PHLPP1: variants seen among roughly 807,000 people sequenced by gnomAD.
PHLPP1 encodes the protein PH domain and leucine rich repeat protein phosphatase 1, also known as PH domain leucine-rich repeat-containing protein phosphatase 1.
A neutral mutation model predicts 117.2 loss-of-function variants in PHLPP1; 42 were observed. That is an observed-to-expected ratio of 0.36 (90% CI 0.28 to 0.46). The LOEUF is 0.46. Among genes scored for constraint, PHLPP1 ranks in the 20% least tolerant of loss-of-function variants. The pLI is 1.00. For missense variants in PHLPP1, 2,084 were observed against 2,241.9 expected, an observed-to-expected ratio of 0.93 and a Z score of 1.42; for synonymous variants, 1,042 against 970.7, an observed-to-expected ratio of 1.07 and a Z score of -1.37.
At chr18:62,864,210 T>G (rs1793904426) in intron 4 of PHLPP1, among the ~76,000 whole-genome samples, 1 of 151,834 alleles carries the variant, frequency 6.6e-6, no homozygotes, top group Non-Finnish European at 1.5e-5. Context: ...TTAGTAGAGG[T>G]GGGGTTTCAC....
At chr18:62,878,774 C>T (rs1355518277) in intron 4 of PHLPP1, among the ~76,000 whole-genome samples, 2 of 151,546 alleles carry the variant, frequency 1.3e-5, no homozygotes, top group African/African-American at 4.9e-5. Flanking sequence ...TTATACTCCT[C>T]ATATTGTGTG....
intron 12 of PHLPP1, among the ~76,000 whole-genome samples, chr18:62,948,340 G>T (rs894073419): frequency 6.6e-6 from 1 of 151,890 alleles, no homozygotes; most frequent in Non-Finnish European, 1.5e-5. Flanking sequence ...AAAAAGAAAT[G>T]TAAATGTTTT....
chr18:62,846,846 A>G (rs1228076312), intron 3 of PHLPP1, among the ~76,000 whole-genome samples: 2 of 152,194 alleles, frequency 1.3e-5, no homozygotes, highest in African/African-American at 2.4e-5. Context: ...TAATAGAATG[A>G]TCTCTTTACA....
intron 1 of PHLPP1, among the ~76,000 whole-genome samples, chr18:62,783,787 G>A (rs1180364090): frequency 6.6e-6 from 1 of 152,062 alleles, no homozygotes; most frequent in Non-Finnish European, 1.5e-5. Context: ...TTCTTATGGG[G>A]TGAAATGATT....
At chr18:62,805,469 C>G (rs926894003) in intron 1 of PHLPP1, among the ~76,000 whole-genome samples, 2 of 152,034 alleles carry the variant, frequency 1.3e-5, no homozygotes. Context: ...GAGATCTTCC[C>G]ACCTCAGCTT....
chr18:62,914,306 A>G (rs1052543060), intron 8 of PHLPP1, among the ~76,000 whole-genome samples: 1 of 152,240 alleles, frequency 6.6e-6, no homozygotes, highest in South Asian at 2.1e-4. Context: ...TATGTTCAAT[A>G]TAACACATAT....
intron 6 of PHLPP1, 74 bp downstream of exon 6, chr18:62,896,085 C>T (rs182599353): frequency 1.0e-3 from 849 of 841,608 alleles, no homozygotes; most frequent in Admixed American, 2.2e-3. Flanking sequence ...AGGTTATTAA[C>T]CAAGGCAAAC....
rs75981181 is a variant in PHLPP1, at chr18:62,943,529, G to T, written c.3162-1580G>T. Among the ~76,000 whole-genome samples the T allele has an allele frequency of 6.6e-5, 10 of 152,280 alleles. No individual in the cohort carries two copies. The East Asian group carries it at 1.9e-3, about 29-fold the overall frequency. ...TTAGTTTCAAGGCACACAAGGGCTG[G>T]CATCTGCTTCTGGTGAGTCTTCAGG... is the stretch of plus-strand genomic sequence containing the variant. On this transcript the variant is annotated intron_variant, in intron 11 of 16. Transcript: ENST00000262719.
chr18:62,868,579 G>A (rs1253781086), intron 4 of PHLPP1, among the ~76,000 whole-genome samples: 2 of 145,204 alleles, frequency 1.4e-5, no homozygotes, highest in Non-Finnish European at 3.0e-5. Context: ...CTGAAATGGC[G>A]CCACTGCACT....
chr18:62,728,140 C>G (rs567385118), intron 1 of PHLPP1, among the ~76,000 whole-genome samples: 1 of 151,764 alleles, frequency 6.6e-6, no homozygotes, highest in Non-Finnish European at 1.5e-5. Flanking sequence ...ACTAAAAATA[C>G]AAAAATTAGC....
rs550192192 is a variant in PHLPP1, at chr18:62,960,334, G to T, written c.3455+1575G>T. 2.6e-5 allele frequency among the ~76,000 whole-genome samples: 4 copies of T among 151,964 alleles called. No homozygotes were observed. In the East Asian group the frequency reaches 7.7e-4, roughly 29 times the overall value. On this transcript the variant is annotated intron_variant, in intron 13 of 16. Transcript: ENST00000262719. ...CTTTTTAGGCCAAGAAATGAAGGGA[G>T]TAAGTCACAAGAAAAGAAATCAGTA...
intron 3 of PHLPP1, chr18:62,843,119 T>C (rs1328899068): frequency 6.6e-6 from 1 of 152,238 alleles, no homozygotes; most frequent in African/African-American, 2.4e-5. Flanking sequence ...TCACTGTTAC[T>C]ATGGAAATGT....
intron 1 of PHLPP1, among the ~76,000 whole-genome samples, chr18:62,766,076 A>AAAAAATAT: frequency 2.3e-4 from 5 of 21,660 alleles, no homozygotes; most frequent in Admixed American, 1.6e-3. Context: ...AAAAAAAAAA[A>AAAAAATAT]ATATATATAT....
intron 1 of PHLPP1, among the ~76,000 whole-genome samples, chr18:62,755,700 T>C (rs1911994331): frequency 6.6e-6 from 1 of 152,140 alleles, no homozygotes; most frequent in African/African-American, 2.4e-5. Context: ...GAAATACATT[T>C]CTGTTGTTTA....
intron 12 of PHLPP1, among the ~76,000 whole-genome samples, chr18:62,956,957 G>A (rs1292767838): frequency 1.3e-5 from 2 of 151,944 alleles, no homozygotes; most frequent in African/African-American, 2.4e-5. Context: ...CCAAATAAAA[G>A]GAAGATTTTG....
intron 1 of PHLPP1, among the ~76,000 whole-genome samples, chr18:62,730,860 CT>C (rs1392995134): frequency 6.6e-6 from 1 of 150,704 alleles, no homozygotes; most frequent in Non-Finnish European, 1.5e-5. Flanking sequence ...TGTGGAAGTG[CT>C]TTGTAAACTG....
rs1915497305 is a variant in PHLPP1 at position 62,856,314 on chromosome 18, T to C, written c.1900-4121T>C. Among the ~76,000 whole-genome samples the C allele has an allele frequency of 2.0e-5, 3 of 152,152 alleles. No homozygotes were observed. The South Asian group carries it at 6.2e-4, about 32-fold the overall frequency. ...CCAGAGTCCTTACAAGGCCTGAGGG[T>C]CCCACAGGATCTGCTGCTTACCCCA... is the stretch of plus-strand genomic sequence containing the variant. On this transcript the variant is annotated intron_variant, in intron 3 of 16. Transcript: ENST00000262719.
chr18:62,716,818 C>G lies in PHLPP1; in HGVS notation c.1135C>G (p.Leu379Val). ...GGGSSSSSEE[L>V]EADAASAPTG... Reference sequence around the variant, plus strand: ...CGGCTCCTCGTCGTCGTCGGAAGAGCTCGAGGCCGACGCAGCCTCGGCCCC... The same window carrying G: ...CGGCTCCTCGTCGTCGTCGGAAGAGGTCGAGGCCGACGCAGCCTCGGCCCC... The change falls in exon 1 of 17, where the codon CTC (leucine) becomes GTC (valine). Residue 379 changes from leucine (L) to valine (V), a missense_variant. Leu to Val is a conservative substitution (Grantham distance 32). Transcript: ENST00000262719. This position sits in a 1 kb window ranked among gnomAD's most constrained non-coding sequence, Gnocchi z 5.7. 5 of 1,526,534 alleles carry G rather than the reference C, an allele frequency of 3.3e-6. No individual in the cohort carries two copies. Among genetic ancestry groups the G allele is most frequent in the South Asian group, 1.2e-5 (1 of 83,048 alleles). The allele number at this position is 1,526,534 out of a possible 1,614,324, so 94.6% of individuals were successfully genotyped here.
intron 1 of PHLPP1, among the ~76,000 whole-genome samples, chr18:62,735,370 T>C (rs1167121520): frequency 6.6e-6 from 1 of 152,080 alleles, no homozygotes; most frequent in African/African-American, 2.4e-5. Context: ...AGACATAAGC[T>C]ACCCTGCCTG....
Sources: allele counts gnomAD v4.1 joint callset (sites outside exome capture counted in the v4.1 genomes callset), GRCh38; gene constraint gnomAD v4.1.1; non-coding constraint Gnocchi (gnomAD v3.1); transcripts MANE v1.5; gene names NCBI Gene and HGNC (gene_info 2026-07-23, HGNC 2026-07-21).